Variants in ESRRG observed in about 807,000 individuals in gnomAD.
ESRRG encodes estrogen-related receptor gamma.
ESRRG carries 13 observed loss-of-function variants against 44.0 expected under a neutral mutation model. The ratio of observed to expected loss-of-function variants is 0.30; its 90% CI spans 0.19 to 0.47. ESRRG has a LOEUF of 0.47. ESRRG is among the 20% of genes least tolerant of loss of function. The pLI is 1.00. For missense variants in ESRRG, 395 were observed against 580.6 expected (o/e 0.68, Z 3.29); for synonymous variants, 215 against 214.6 (o/e 1.00, Z -0.02).
At chr1:216,596,403 G>A (rs929878378) in intron 3 of ESRRG, among the ~76,000 whole-genome samples, 1 of 152,168 alleles carries the variant, frequency 6.6e-6, no homozygotes, top group African/African-American at 2.4e-5. Flanking sequence ...CAAAGTCAGA[G>A]GAGGATGTTT....
chr1:216,595,609 CT>C (rs771670153), intron 3 of ESRRG, among the ~76,000 whole-genome samples: 28 of 152,108 alleles, frequency 1.8e-4, no homozygotes, highest in Non-Finnish European at 3.7e-4. Flanking sequence ...CTTTTAGCAC[CT>C]TTTCTCTATT....
intron 2 of ESRRG, among the ~76,000 whole-genome samples, chr1:216,917,912 T>G (rs1354874410): frequency 6.6e-6 from 1 of 152,178 alleles, no homozygotes; most frequent in Non-Finnish European, 1.5e-5. Context: ...ATGTAGCAAA[T>G]TCCCCAAAAA....
chr1:216,939,717 G>GAAAAAA (rs34078475), intron 1 of ESRRG: 1 of 139,090 alleles, frequency 7.2e-6, no homozygotes, highest in Non-Finnish European at 1.6e-5. Context: ...CCCAAAAAAG[G>GAAAAAA]AAAAAAAAAA....
intron 2 of ESRRG, among the ~76,000 whole-genome samples, chr1:216,913,716 A>T (rs1337798614): frequency 6.6e-6 from 1 of 152,240 alleles, no homozygotes; most frequent in Non-Finnish European, 1.5e-5. Flanking sequence ...GAAGGTGGTT[A>T]TGAATATCAA....
intron 2 of ESRRG, among the ~76,000 whole-genome samples, chr1:216,828,290 GT>G (rs1358455111): frequency 2.0e-5 from 3 of 152,154 alleles, no homozygotes; most frequent in African/African-American, 7.2e-5. Flanking sequence ...AACAAGCTGT[GT>G]TTTTGTTTGG....
intron 2 of ESRRG, among the ~76,000 whole-genome samples, chr1:216,657,126 T>A (rs759971555): frequency 5.9e-5 from 9 of 152,220 alleles, no homozygotes; most frequent in Non-Finnish European, 1.3e-4. Context: ...TTGTTTTTCT[T>A]TCTTATTTTC....
chr1:216,765,332 T>G (rs2152364799), intron 2 of ESRRG, among the ~76,000 whole-genome samples: 1 of 152,044 alleles, frequency 6.6e-6, no homozygotes, highest in East Asian at 1.9e-4. Flanking sequence ...TACTGAATTT[T>G]TATTGTGTTC....
chr1:216,942,601 C>T (rs925598434), intron 1 of ESRRG, among the ~76,000 whole-genome samples: 7 of 152,090 alleles, frequency 4.6e-5, no homozygotes, highest in Admixed American at 3.9e-4. Flanking sequence ...TAATAATAGC[C>T]ACTCTTACTG....
At chr1:216,600,254 T>C (rs2059019896) in intron 3 of ESRRG, among the ~76,000 whole-genome samples, 2 of 152,182 alleles carry the variant, frequency 1.3e-5, no homozygotes, top group Non-Finnish European at 2.9e-5. Context: ...TGTAATACTA[T>C]AATGGTAGAT....
intron 1 of ESRRG, among the ~76,000 whole-genome samples, chr1:217,038,782 T>C (rs1233153332): frequency 6.6e-6 from 1 of 152,234 alleles, no homozygotes; most frequent in African/African-American, 2.4e-5. Flanking sequence ...TTGTTACTTA[T>C]GCAAATTTCT....
chr1:216,751,802 G>A (rs912036801), intron 2 of ESRRG, among the ~76,000 whole-genome samples: 7 of 149,630 alleles, frequency 4.7e-5, no homozygotes, highest in South Asian at 2.2e-4. Flanking sequence ...ACTGTTTATC[G>A]TATTAGATGG....
At chr1:216,565,036 T>G (rs2059438647) in intron 4 of ESRRG, among the ~76,000 whole-genome samples, 1 of 152,210 alleles carries the variant, frequency 6.6e-6, no homozygotes, top group Non-Finnish European at 1.5e-5. Context: ...TACTCCTCCT[T>G]AAATGTTACA....
At position 216,880,074 on chromosome 1, in the gene ESRRG, G is replaced by A. The variant is rs192343600; in HGVS notation, c.-14+59508C>T. Among the ~76,000 whole-genome samples, 187 of 151,918 alleles carry A rather than the reference G, an allele frequency of 1.2e-3. 1 individual carries two copies. The highest frequency in any genetic ancestry group is 4.4e-3 in the African/African-American group (182 of 41,458). On this transcript the variant is annotated intron_variant, in intron 2 of 7. Transcript: ENST00000359162. Reference sequence around the variant, plus strand: ...TGTCATCACAGCACTTTGGGAGTTCGAGGCGGTTGGATCATTTGAGGTCAA... The same window carrying A: ...TGTCATCACAGCACTTTGGGAGTTCAAGGCGGTTGGATCATTTGAGGTCAA...
At chr1:216,540,850 C>A (rs2052479348) in intron 5 of ESRRG, among the ~76,000 whole-genome samples, 1 of 151,956 alleles carries the variant, frequency 6.6e-6, no homozygotes, top group African/African-American at 2.4e-5. Flanking sequence ...GTATTTTTCA[C>A]TACTTAAAAT....
chr1:216,617,503 G>GAAA (rs5780897), intron 3 of ESRRG, among the ~76,000 whole-genome samples: 1 of 138,388 alleles, frequency 7.2e-6, no homozygotes. Context: ...TTGGCCTTTA[G>GAAA]AAAAAAAAAA....
chr1:216,529,999 C>T (rs148447594), intron 5 of ESRRG, among the ~76,000 whole-genome samples: 1 of 151,106 alleles, frequency 6.6e-6, no homozygotes, highest in East Asian at 2.0e-4. Flanking sequence ...GTATTCCCAG[C>T]TACTCAGGAG....
intron 1 of ESRRG, among the ~76,000 whole-genome samples, chr1:217,112,494 G>C (rs1031105267): frequency 1.3e-5 from 2 of 152,136 alleles, no homozygotes; most frequent in African/African-American, 4.8e-5. Context: ...ACAGTAACGT[G>C]GAAAATAGAA....
At chr1:216,665,453 G>A (rs1371054698) in intron 2 of ESRRG, among the ~76,000 whole-genome samples, 3 of 152,098 alleles carry the variant, frequency 2.0e-5, no homozygotes, top group Admixed American at 6.6e-5. Context: ...AAAAGACAAA[G>A]ACTGCATGAT....
At position 216,765,852 on chromosome 1, in the gene ESRRG, T is replaced by C. The variant is rs570310355; in HGVS notation, c.-13-88361A>G. ...GGGTACTGAGCTAATCCCCGGACTTTAGCTGAACTCGACATGCTGAGGTTG... is the reference window on the plus strand; with the variant it reads ...GGGTACTGAGCTAATCCCCGGACTTCAGCTGAACTCGACATGCTGAGGTTG... On this transcript the variant is annotated intron_variant, in intron 2 of 7. Transcript: ENST00000359162. Among the ~76,000 whole-genome samples, 6 of 152,290 alleles carry C rather than the reference T, an allele frequency of 3.9e-5. No individual in the cohort carries two copies. The South Asian group carries it at 1.0e-3, about 26-fold the overall frequency.
Sources: allele counts gnomAD v4.1 joint callset (sites outside exome capture counted in the v4.1 genomes callset), GRCh38; gene constraint gnomAD v4.1.1; transcripts MANE v1.5; gene names NCBI Gene and HGNC (gene_info 2026-07-23, HGNC 2026-07-21).